The following ACTR3C variants were observed in gnomAD, a reference collection of about 807,000 sequenced individuals.
The protein encoded by ACTR3C is actin-related protein 3C.
Under a neutral mutation model 26.3 loss-of-function variants are expected in ACTR3C, and 18 were observed. The ratio of observed to expected loss-of-function variants is 0.68; its 90% confidence interval spans 0.47 to 1.01. The LOEUF (loss-of-function observed/expected upper bound fraction) is 1.01, where lower values mean the gene tolerates loss of function less well. ACTR3C is among the 50% of genes least tolerant of loss of function. The pLI, the probability that ACTR3C is intolerant of heterozygous loss-of-function variation, is 0.00. For synonymous variants in ACTR3C, 55 were observed against 94.5 expected (o/e 0.58, Z 2.42); for missense variants, 184 against 250.7 (o/e 0.73, Z 1.80).
chr7:150,131,662 C>T, the ACTR3C span, among the ~76,000 whole-genome samples: 2 of 152,164 alleles, frequency 1.3e-5, no homozygotes, highest in Non-Finnish European at 2.9e-5. Context: ...TCTAGTTCAT[C>T]AGGTTAAACA....
the ACTR3C span, among the ~76,000 whole-genome samples, chr7:150,126,383 A>C: frequency 2.2e-4 from 33 of 151,286 alleles, no homozygotes; most frequent in East Asian, 1.9e-3. Flanking sequence ...TAACCCAAAC[A>C]CTTCTTTTTT....
intron 1 of ACTR3C, among the ~76,000 whole-genome samples, chr7:150,313,870 A>C (rs1488828582): frequency 6.6e-6 from 1 of 152,230 alleles, no homozygotes; most frequent in South Asian, 2.1e-4. Flanking sequence ...TGGAAAGCTA[A>C]AAACAACCTT....
chr7:150,036,101 T>A, the ACTR3C span, among the ~76,000 whole-genome samples: 1 of 119,674 alleles, frequency 8.4e-6, no homozygotes, highest in Non-Finnish European at 1.9e-5. Context: ...GCGATGGGGG[T>A]GCAAAGAGCC....
chr7:150,184,034 G>A, the ACTR3C span, among the ~76,000 whole-genome samples: 1 of 150,686 alleles, frequency 6.6e-6, no homozygotes, highest in East Asian at 1.9e-4. Flanking sequence ...ATGTGGAACT[G>A]TGAGTCAATT....
chr7:150,042,029 T>G, the ACTR3C span, among the ~76,000 whole-genome samples: 1 of 114,268 alleles, frequency 8.8e-6, no homozygotes, highest in South Asian at 3.2e-4. Flanking sequence ...CCTAAGGATC[T>G]TAGGAGCAAC....
the ACTR3C span, among the ~76,000 whole-genome samples, chr7:150,080,692 CT>C: frequency 6.6e-6 from 1 of 152,152 alleles, no homozygotes; most frequent in Admixed American, 6.5e-5. Context: ...CACATGATCA[CT>C]CAGACTCCAC....
At chr7:149,973,057 A>C in the ACTR3C span, among the ~76,000 whole-genome samples, 7 of 151,710 alleles carry the variant, frequency 4.6e-5, no homozygotes, top group Admixed American at 3.3e-4. Context: ...CCAGGTAATC[A>C]TAGTGAGTGT....
chr7:150,149,079 G>GTGTATATA, the ACTR3C span, among the ~76,000 whole-genome samples: 5 of 93,176 alleles, frequency 5.4e-5, no homozygotes, highest in Non-Finnish European at 1.1e-4. Context: ...TAAAGTTTGA[G>GTGTATATA]TATATATATA....
chr7:150,316,094 G>A (rs914360441), intron 1 of ACTR3C, among the ~76,000 whole-genome samples: 5 of 152,184 alleles, frequency 3.3e-5, no homozygotes, highest in African/African-American at 9.6e-5. Context: ...CTATTCAGGA[G>A]GCTAAGGCAG....
At chr7:150,021,345 C>T in the ACTR3C span, among the ~76,000 whole-genome samples, 12 of 151,814 alleles carry the variant, frequency 7.9e-5, no homozygotes, top group South Asian at 8.3e-4. Context: ...GTTTTATCAC[C>T]TATGAATTTA....
At chr7:149,970,026 C>G in the ACTR3C span, among the ~76,000 whole-genome samples, 1 of 152,160 alleles carries the variant, frequency 6.6e-6, no homozygotes, top group South Asian at 2.1e-4. Flanking sequence ...ATCGGTATAA[C>G]TAGAAAATAG....
intron 6 of ACTR3C, among the ~76,000 whole-genome samples, chr7:150,281,455 C>A (rs1203318030): frequency 6.7e-6 from 1 of 150,338 alleles, no homozygotes; most frequent in Non-Finnish European, 1.5e-5. Context: ...GTCAGTGCAG[C>A]TTCACTGCTC....
In ACTR3C at chr7:150,307,339, A is replaced by G. The variant is rs182638152; in HGVS notation, c.-51-11992T>C. On this transcript the variant is annotated intron_variant, in intron 1 of 7. Transcript: ENST00000683684. Reference sequence around the variant, plus strand: ...GAGCCAAGAAGTCTGGTGCAGCCAAAAAACCACAAAAGAAGTAAAACAGCC... The same window carrying G: ...GAGCCAAGAAGTCTGGTGCAGCCAAGAAACCACAAAAGAAGTAAAACAGCC... Among the ~76,000 whole-genome samples, 1,018 of 152,336 alleles carry G rather than the reference A, an allele frequency of 6.7e-3. 17 individuals are homozygous for G. Among genetic ancestry groups the G allele is most frequent in the African/African-American group, 0.022 (934 of 41,582 alleles).
chr7:150,035,742 C>G, the ACTR3C span, among the ~76,000 whole-genome samples: 140 of 135,266 alleles, frequency 1.0e-3, 13 homozygotes, highest in South Asian at 0.032. Context: ...TCTCAGTCCC[C>G]GCCTCGCGGG....
the ACTR3C span, among the ~76,000 whole-genome samples, chr7:150,209,918 C>CAA: frequency 1.6e-5 from 1 of 63,076 alleles, no homozygotes; most frequent in Non-Finnish European, 3.6e-5. Context: ...GACTGGGTCT[C>CAA]AAAAAAAAAA....
At chr7:150,277,603 T>C (rs1834983362) in intron 6 of ACTR3C, among the ~76,000 whole-genome samples, 1 of 152,050 alleles carries the variant, frequency 6.6e-6, no homozygotes, top group Non-Finnish European at 1.5e-5. Flanking sequence ...GATCTAGTCT[T>C]CCGCTGCCTC....
At chr7:150,039,032 A>G in the ACTR3C span, among the ~76,000 whole-genome samples, 2 of 122,132 alleles carry the variant, frequency 1.6e-5, no homozygotes, top group Non-Finnish European at 1.7e-5. Context: ...GCTCTCAGTA[A>G]TCCCACGTAA....
downstream of ACTR3C, chr7:150,246,755 CA>C: frequency 6.6e-6 from 1 of 152,130 alleles, no homozygotes; most frequent in South Asian, 2.1e-4. Flanking sequence ...GCAAATACCA[CA>C]AAATTTTTGC....
the ACTR3C span, among the ~76,000 whole-genome samples, chr7:149,994,373 G>A: frequency 2.0e-5 from 3 of 152,048 alleles, no homozygotes; most frequent in Admixed American, 6.5e-5. Flanking sequence ...TGAGGCGGGC[G>A]GATCACCTGA....
Sources: gnomAD v4.1 joint callset for allele counts (sites outside exome capture counted in the v4.1 genomes callset) on GRCh38, gnomAD v4.1.1 for gene constraint, MANE v1.5 for transcripts, NCBI Gene and HGNC (gene_info 2026-07-23, HGNC 2026-07-21) for gene names.